The following EEF1G variants were observed in gnomAD, a reference collection of about 807,000 sequenced individuals.
EEF1G encodes the protein eukaryotic translation elongation factor 1 gamma, also known as elongation factor 1-gamma.
EEF1G carries 14 observed loss-of-function variants against 58.3 expected under a neutral mutation model. The ratio of observed to expected loss-of-function variants is 0.24; its 90% confidence interval spans 0.16 to 0.38. The LOEUF (loss-of-function observed/expected upper bound fraction) is 0.38. Ranked by LOEUF, EEF1G falls within the 10% of genes least tolerant of loss-of-function variation. The pLI, the probability that EEF1G is intolerant of heterozygous loss-of-function variation, is 1.00. For synonymous variants in EEF1G, 180 were observed against 206.8 expected (o/e 0.87, Z 1.11); for missense variants, 322 against 550.1 (o/e 0.59, Z 4.15).
Position 62,571,660 on chromosome 11 carries a change from TC to T in EEF1G, c.257del (p.Gly86GlufsTer14). ...CCTGGGCTGCTGCCTCTGGAGTACT[TC>T]CCCGCAGCTCCTCATTGCTCACTGC... ...AYYVSNEELR[G>X]STPEAAAQVV... On this transcript the variant is annotated frameshift_variant, in exon 4 of 10. Transcript: ENST00000329251. LOFTEE classifies it high-confidence loss of function. 1 of 1,586,076 alleles carries T rather than the reference TC, an allele frequency of 6.3e-7. No individual in the cohort carries two copies. The highest frequency in any genetic ancestry group is 8.6e-7 in the Non-Finnish European group (1 of 1,166,328).
intron 1 of EEF1G, 101 bp from the exon 2 acceptor site, chr11:62,572,843 C>A (rs1021143480): frequency 1.7e-6 from 2 of 1,161,648 alleles, no homozygotes; most frequent in Admixed American, 5.6e-5. Flanking sequence ...ATGTATTCAA[C>A]TCACCCTTTT....
At chr11:62,571,411 G>C in intron 4 of EEF1G, 129 bp downstream of exon 4, 1 of 1,380,776 alleles carries the variant, frequency 7.2e-7, no homozygotes, top group Non-Finnish European at 9.7e-7. Context: ...TCGTACCCTA[G>C]AGATTACGTC....
rs1317649720 is a variant in EEF1G, at chr11:62,561,660, C to CA, written c.858-1207dup. On this transcript the variant is annotated intron_variant, in intron 7 of 9. Coordinates refer to ENST00000329251, the MANE Select transcript of EEF1G (RefSeq NM_001404.5). ...CTGGCAACAGAGCAAGACTCCGTCT[C>CA]AAAAAAAAAACAAAAAAAAAACAAA... 3.1e-3 allele frequency among the ~76,000 whole-genome samples: 135 copies of CA among 43,052 alleles called. 2 individuals are homozygous for CA. The highest frequency in any genetic ancestry group is 0.029 in the East Asian group (55 of 1,892). 28.2% of individuals were successfully genotyped at this position (43,052 alleles called of 152,430 possible).
intron 7 of EEF1G, among the ~76,000 whole-genome samples, chr11:62,566,059 T>C (rs1383274775): frequency 2.0e-5 from 3 of 152,082 alleles, no homozygotes; most frequent in East Asian, 3.9e-4. Flanking sequence ...CCACAGAATA[T>C]ATATTTCTCA....
chr11:62,562,247 T>C (rs1941504371), intron 7 of EEF1G, among the ~76,000 whole-genome samples: 1 of 152,158 alleles, frequency 6.6e-6, no homozygotes, highest in Admixed American at 6.5e-5. Flanking sequence ...TAAACCAAGG[T>C]ATAAAAGTTA....
rs71458421 is a variant in EEF1G at position 62,567,708 on chromosome 11, A to ATTT, written c.523-183_523-181dup. 7.4e-4 allele frequency among the ~76,000 whole-genome samples: 106 copies of ATTT among 143,520 alleles called. 1 individual carries two copies. Among genetic ancestry groups the ATTT allele is most frequent in the Non-Finnish European group, 1.1e-3 (75 of 65,658 alleles). The allele number at this position is 143,520 out of a possible 152,430, so 94.2% of individuals were successfully genotyped here. ...ACTTCCCATTTCTTCATTTTTTTCA[A>ATTT]TTTTTTTTTTTTTTGAGACAGAGTC... On this transcript the variant is annotated intron_variant, in intron 5 of 9. Transcript: ENST00000329251.
chr11:62,571,222 C>A (rs1216164739), intron 4 of EEF1G, 114 bp from the exon 5 acceptor site: 6 of 1,501,924 alleles, frequency 4.0e-6, no homozygotes, highest in Non-Finnish European at 5.5e-6. Context: ...CTCACCCTCA[C>A]TCTCTTTCAA....
Position 62,560,056 on chromosome 11 carries a change from C to T in EEF1G, c.1155+13G>A, listed in dbSNP as rs778768349. 1.1e-5 allele frequency: 18 copies of T among 1,613,970 alleles called. No homozygotes were observed. The highest frequency in any genetic ancestry group is 1.5e-5 in the Non-Finnish European group (18 of 1,179,888). ...CCCACCCTAAAGAGACTCCTCTCCT[C>T]CACCTTCCTCACCGGAAAGGCAAGC... On this transcript the variant is annotated intron_variant, in intron 9 of 9. Coordinates refer to ENST00000329251, the MANE Select transcript of EEF1G (RefSeq NM_001404.5).
At chr11:62,569,245 G>T (rs977543878) in intron 5 of EEF1G, among the ~76,000 whole-genome samples, 5 of 152,262 alleles carry the variant, frequency 3.3e-5, no homozygotes, top group African/African-American at 1.2e-4. Flanking sequence ...GCCGAGGCGG[G>T]TGGATCACCT....
intron 7 of EEF1G, among the ~76,000 whole-genome samples, chr11:62,564,446 A>G (rs1323434425): frequency 6.8e-6 from 1 of 146,990 alleles, no homozygotes; most frequent in Non-Finnish European, 1.5e-5. Context: ...CCTGGGCAAC[A>G]GAGTGAGACT....
chr11:62,564,729 A>G (rs1469517594), intron 7 of EEF1G, among the ~76,000 whole-genome samples: 3 of 126,096 alleles, frequency 2.4e-5, no homozygotes, highest in Non-Finnish European at 4.6e-5. Flanking sequence ...ACTACATCCC[A>G]GCCTGGGCGA....
At chr11:62,570,838 G>A in intron 5 of EEF1G, 127 bp downstream of exon 5, 5 of 1,310,800 alleles carry the variant, frequency 3.8e-6, no homozygotes, top group Non-Finnish European at 5.4e-6. Flanking sequence ...TTACAGGCAT[G>A]AGCCACTGCA....
In EEF1G at chr11:62,559,848, A is replaced by G; in HGVS notation, c.1156-11T>C. 1 of 1,613,944 alleles carries G rather than the reference A, an allele frequency of 6.2e-7. No individual in the cohort carries two copies. Among genetic ancestry groups the G allele is most frequent in the Non-Finnish European group, 8.5e-7 (1 of 1,179,876 alleles). On this transcript the variant is annotated splice_polypyrimidine_tract_variant and intron_variant, in intron 9 of 9. Coordinates refer to ENST00000329251, the MANE Select transcript of EEF1G (RefSeq NM_001404.5). Reference sequence around the variant, plus strand: ...CCAATCTGGACTCAGCTGGGGATAAAAAGCCAGCATGTGGTCAAGTTATGA... The same window carrying G: ...CCAATCTGGACTCAGCTGGGGATAAGAAGCCAGCATGTGGTCAAGTTATGA...
At chr11:62,567,552 C>T (rs1284422561) in intron 5 of EEF1G, 24 bp from the exon 6 acceptor site, 1 of 1,567,960 alleles carries the variant, frequency 6.4e-7, no homozygotes, top group Non-Finnish European at 8.6e-7. Context: ...AGGGTGTAAA[C>T]AAAGTCAGTG....
intron 1 of EEF1G, 46 bp from the exon 2 acceptor site, chr11:62,572,788 A>T (rs773044660): frequency 6.4e-7 from 1 of 1,554,404 alleles, no homozygotes; most frequent in Non-Finnish European, 8.8e-7. Context: ...GAAGGGTCCC[A>T]GTCCTTAATG....
At chr11:62,571,262 G>A (rs1395127597) in intron 4 of EEF1G, among the ~76,000 whole-genome samples, 154 bp from the exon 5 acceptor site, 1 of 152,112 alleles carries the variant, frequency 6.6e-6, no homozygotes, top group Non-Finnish European at 1.5e-5. Context: ...CATTCTAAAT[G>A]TATTACAAAC....
chr11:62,568,542 T>A (rs1941584699), intron 5 of EEF1G, among the ~76,000 whole-genome samples: 1 of 152,026 alleles, frequency 6.6e-6, no homozygotes, highest in Non-Finnish European at 1.5e-5. Context: ...CCTCCATTTC[T>A]TTTTCTAATC....
At chr11:62,567,783 C>T (rs1941574589) in intron 5 of EEF1G, among the ~76,000 whole-genome samples, 1 of 151,354 alleles carries the variant, frequency 6.6e-6, no homozygotes, top group Admixed American at 6.6e-5. Flanking sequence ...CAGCTCACTG[C>T]AGCCTCCATC....
At chr11:62,566,711 T>A (rs1232198678) in intron 7 of EEF1G, 95 bp downstream of exon 7, 1 of 1,176,586 alleles carries the variant, frequency 8.5e-7, no homozygotes, top group African/African-American at 1.5e-5. Flanking sequence ...ATGGACAACC[T>A]AAAATTCTGG....
Sources: gnomAD v4.1 joint callset for allele counts (sites outside exome capture counted in the v4.1 genomes callset) on GRCh38, gnomAD v4.1.1 for gene constraint, MANE v1.5 for transcripts, NCBI Gene and HGNC (gene_info 2026-07-23, HGNC 2026-07-21) for gene names.